The following OR2F1 variants were observed in gnomAD, a reference collection of about 807,000 sequenced individuals.
OR2F1 encodes olfactory receptor 2F1.
For missense variants in OR2F1, 389 were observed against 378.2 expected, an observed-to-expected ratio of 1.03 and a Z score of -0.24; for synonymous variants, 146 against 155.3, an observed-to-expected ratio of 0.94 and a Z score of 0.44.
rs774981523 is a variant in OR2F1 at position 143,962,949 on chromosome 7, T to C, written c.*2025T>C. 6.6e-6 allele frequency: 1 copy of C among 152,206 alleles called. No individual in the cohort carries two copies. Among genetic ancestry groups the C allele is most frequent in the Non-Finnish European group, 1.5e-5 (1 of 68,042 alleles). 9.4% of individuals were successfully genotyped at this position (152,206 alleles called of 1,614,324 possible). On this transcript the variant is annotated 3_prime_UTR_variant, in exon 3 of 3. Coordinates refer to ENST00000641412, the MANE Select transcript of OR2F1 (RefSeq NM_012369.3). ...CTGCTTCAGTAATACTCTTGAGACATTCGAGACATCTGAATTAAGTTAGAT... is the reference window on the plus strand; with the variant it reads ...CTGCTTCAGTAATACTCTTGAGACACTCGAGACATCTGAATTAAGTTAGAT...
chr7:143,959,427 T>C (rs962104726), intron 2 of OR2F1, among the ~76,000 whole-genome samples: 3 of 152,204 alleles, frequency 2.0e-5, no homozygotes, highest in African/African-American at 7.2e-5. Context: ...TGTTTATCAA[T>C]AAACCAACAT....
At chr7:143,959,822 C>T (rs2189875) in intron 2 of OR2F1, 126 bp from the exon 3 acceptor site, 8 of 607,594 alleles carry the variant, frequency 1.3e-5, no homozygotes, top group Admixed American at 3.1e-5. Context: ...GGTCAAGACT[C>T]TCATTTTGGC....
Position 143,960,066 on chromosome 7 carries a change from G to C in OR2F1, c.96G>C (p.Leu32Phe). 1 of 1,614,072 alleles carries C rather than the reference G, an allele frequency of 6.2e-7. No individual in the cohort carries two copies. Among genetic ancestry groups the C allele is most frequent in the Non-Finnish European group, 8.5e-7 (1 of 1,180,018 alleles). ...DTRVSLFVLF[L>F]VMYVVTVLGN... is the part of the protein sequence containing the mutation. ...GGGTCTCCCTGTTTGTCCTGTTCTT[G>C]GTCATGTATGTGGTGACCGTGCTGG... The change falls in exon 3 of 3, where the codon TTG becomes TTC. Residue 32 changes from leucine to phenylalanine, a missense_variant. Physicochemically the swap from Leu to Phe is conservative, Grantham distance 22. Transcript: ENST00000641412.
At chr7:143,958,743 A>C (rs2050302729) in intron 1 of OR2F1, among the ~76,000 whole-genome samples, 1 of 152,112 alleles carries the variant, frequency 6.6e-6, no homozygotes, top group Non-Finnish European at 1.5e-5. Context: ...ATTTATGTTC[A>C]AAATTGATGC....
chr7:143,957,073 G>A (rs970303474), intron 1 of OR2F1, among the ~76,000 whole-genome samples: 2 of 152,152 alleles, frequency 1.3e-5, no homozygotes, highest in Admixed American at 6.6e-5. Context: ...TACACTTGGA[G>A]CTTTGAAGAG....
chr7:143,960,261 T>G lies in OR2F1; in HGVS notation c.291T>G (p.Cys97Trp), dbSNP rs773358008. 6.2e-7 allele frequency: 1 copy of G among 1,614,228 alleles called. No homozygotes were observed. Among genetic ancestry groups the G allele is most frequent in the Non-Finnish European group, 8.5e-7 (1 of 1,180,046 alleles). ...ATAAAGCCATCCCATTCCAGAGCTG[T>G]GCAGCCCAGTTATTTTTCTCCCTGG... ...AEHKAIPFQS[C>W]AAQLFFSLAL... Residue 97 changes from cysteine to tryptophan, a missense_variant, in exon 3 of 3, where the codon TGT becomes TGG. Cys to Trp is a radical substitution (Grantham distance 215). Transcript: ENST00000641412.
chr7:143,955,432 G>A (rs538985984), intron 1 of OR2F1, among the ~76,000 whole-genome samples: 1 of 152,112 alleles, frequency 6.6e-6, no homozygotes, highest in African/African-American at 2.4e-5. Context: ...GTTTCATTTA[G>A]CATTATTGCA....
chr7:143,959,679 T>C (rs1056548874), intron 2 of OR2F1, among the ~76,000 whole-genome samples: 10 of 152,226 alleles, frequency 6.6e-5, no homozygotes, highest in African/African-American at 2.4e-4. Context: ...CTGAAGTAAG[T>C]TGGTGAAGAT....
intron 1 of OR2F1, 66 bp from the exon 2 acceptor site, chr7:143,958,887 C>A (rs186529263): frequency 6.6e-6 from 1 of 151,924 alleles, no homozygotes; most frequent in Non-Finnish European, 1.5e-5. Flanking sequence ...TAGACATCTG[C>A]TTTCTCTTCC....
chr7:143,959,502 C>A (rs1457438133), intron 2 of OR2F1, among the ~76,000 whole-genome samples: 1 of 152,134 alleles, frequency 6.6e-6, no homozygotes, highest in Non-Finnish European at 1.5e-5. Context: ...TTCCTCCAGG[C>A]CTTGCTTCTT....
intron 1 of OR2F1, among the ~76,000 whole-genome samples, chr7:143,958,704 A>AT (rs150944486): frequency 0.055 from 8,145 of 149,170 alleles, 726 homozygotes; most frequent in African/African-American, 0.18. Context: ...AATTGGTTCT[A>AT]TTTTTTTTTT....
rs1239704813 is a variant in OR2F1, at chr7:143,962,493, G to A, written c.*1569G>A. On this transcript the variant is annotated 3_prime_UTR_variant, in exon 3 of 3. Coordinates refer to ENST00000641412, the MANE Select transcript of OR2F1 (RefSeq NM_012369.3). ...AAACAATGATAATGCATTGTGGTAA[G>A]TGTTACAGTGAAGGGGAGCCCACTG... 3 of 152,172 alleles carry A rather than the reference G, an allele frequency of 2.0e-5. 1 individual carries two copies. The highest frequency in any genetic ancestry group is 4.4e-5 in the Non-Finnish European group (3 of 68,018). The allele number at this position is 152,172 out of a possible 1,614,324, so 9.4% of individuals were successfully genotyped here. A position where few individuals can be genotyped will look rare whatever the true frequency, so the allele number is the denominator to read the frequency against.
At position 143,959,974 on chromosome 7, in the gene OR2F1, G is replaced by A. The variant is rs866106032; in HGVS notation, c.4G>A (p.Gly2Arg). M[G>R]TDNQTWVSEF... Reference sequence around the variant, plus strand: ...TTAATAATCCTTGAATATTTTAATGGGAACAGATAACCAGACTTGGGTGAG... The same window carrying A: ...TTAATAATCCTTGAATATTTTAATGAGAACAGATAACCAGACTTGGGTGAG... Residue 2 changes from glycine (G) to arginine (R), a missense_variant, in exon 3 of 3, where the codon GGA becomes AGA. Gly to Arg is a moderately radical substitution (Grantham distance 125). Coordinates refer to ENST00000641412, the MANE Select transcript of OR2F1 (RefSeq NM_012369.3). 1 of 1,591,636 alleles carries A rather than the reference G, an allele frequency of 6.3e-7. No individual in the cohort carries two copies. Among genetic ancestry groups the A allele is most frequent in the Non-Finnish European group, 8.6e-7 (1 of 1,168,066 alleles).
chr7:143,959,092 C>T lies in OR2F1; in HGVS notation c.-40C>T, dbSNP rs2050306023. The T allele has an allele frequency of 6.6e-6, 1 of 152,002 alleles. No homozygotes were observed. The highest frequency in any genetic ancestry group is 2.4e-5 in the African/African-American group (1 of 41,386). The allele number at this position is 152,002 out of a possible 1,614,324, so 9.4% of individuals were successfully genotyped here. On this transcript the variant is annotated 5_prime_UTR_variant, in exon 2 of 3. Transcript: ENST00000641412. ...CCCAGGATCCTCAAAGCATCCAAAC[C>T]ATCCCTATACTCTCAGGTATGTTAC...
rs777655915 is a variant in OR2F1, at chr7:143,960,303, G to A, written c.333G>A (p.Glu111=). The change falls in exon 3 of 3, where the codon GAG becomes GAA. Residue 111 remains glutamate, a synonymous_variant. Transcript: ENST00000641412. ...LFFSLALGGI[E]FVLLAVMAYD... ...TCTCCCTGGCCTTGGGTGGGATTGA[G>A]TTTGTTCTCCTGGCGGTGATGGCCT... The A allele has an allele frequency of 4.8e-5, 77 of 1,614,172 alleles. No individual in the cohort carries two copies. The highest frequency in any genetic ancestry group is 1.0e-4 in the Admixed American group (6 of 60,024).
chr7:143,957,566 G>T (rs1176754670), intron 1 of OR2F1, among the ~76,000 whole-genome samples: 1 of 152,126 alleles, frequency 6.6e-6, no homozygotes, highest in Non-Finnish European at 1.5e-5. Context: ...ACACAGTAAA[G>T]CTTCCTAAAT....
intron 1 of OR2F1, among the ~76,000 whole-genome samples, chr7:143,955,675 T>C (rs1345326449): frequency 6.6e-6 from 1 of 152,180 alleles, no homozygotes; most frequent in Non-Finnish European, 1.5e-5. Flanking sequence ...ATCCTGTTTA[T>C]GGAGGTGAAC....
In OR2F1 at chr7:143,960,084, C is replaced by T. The variant is rs754332552; in HGVS notation, c.114C>T (p.Thr38=). The T allele has an allele frequency of 2.0e-5, 32 of 1,614,092 alleles. No homozygotes were observed. The highest frequency in any genetic ancestry group is 1.8e-4 in the East Asian group (8 of 44,880). The change falls in exon 3 of 3, where the codon ACC becomes ACT. Residue 38 remains threonine, a synonymous_variant. Transcript: ENST00000641412. ...FVLFLVMYVV[T]VLGNCLIVLL... is the part of the protein sequence containing the mutation. ...TGTTCTTGGTCATGTATGTGGTGACCGTGCTGGGGAACTGTCTCATTGTCC... is the reference window on the plus strand; with the variant it reads ...TGTTCTTGGTCATGTATGTGGTGACTGTGCTGGGGAACTGTCTCATTGTCC...
chr7:143,958,181 G>T (rs2116935416), intron 1 of OR2F1, among the ~76,000 whole-genome samples: 1 of 152,308 alleles, frequency 6.6e-6, no homozygotes, highest in South Asian at 2.1e-4. Context: ...CACTTTATAG[G>T]TGTTTGCCAA....
Sources: allele counts gnomAD v4.1 joint callset (sites outside exome capture counted in the v4.1 genomes callset), GRCh38; gene constraint gnomAD v4.1.1; transcripts MANE v1.5; gene names NCBI Gene and HGNC (gene_info 2026-07-23, HGNC 2026-07-21).